MATN4: variants seen among roughly 807,000 people sequenced by gnomAD.
The protein encoded by MATN4 is matrilin 4, also known as matrilin-4.
In MATN4, 40 loss-of-function variants were observed where a neutral mutation model predicts 54.6. The ratio of observed to expected loss-of-function variants is 0.73; its 90% CI spans 0.57 to 0.95. MATN4 has a LOEUF of 0.95. MATN4 is among the 40% of genes least tolerant of loss of function. MATN4 has a pLI of 0.00. For missense variants in MATN4, 810 were observed against 819.1 expected, an observed-to-expected ratio of 0.99 and a Z score of 0.13; for synonymous variants, 351 against 345.3, an observed-to-expected ratio of 1.02 and a Z score of -0.18.
At position 45,305,545 on chromosome 20, in the gene MATN4, A is replaced by G. The variant is rs1393580726; in HGVS notation, c.38T>C (p.Leu13Pro). ...GLLCWPVLLL[L>P]LQPWETQLQL... ...GAGCTGGGTTTCCCAGGGCTGAAGA[A>G]GGAGCAGCAACACGGGCCAGCAAAG... is the stretch of plus-strand genomic sequence containing the variant. Residue 13 changes from leucine to proline, a missense_variant, in exon 2 of 10, where the codon CTT (leucine) becomes CCT (proline). Leu to Pro is a moderately conservative substitution (Grantham distance 98). Transcript: ENST00000372756. 2 of 1,559,306 alleles carry G rather than the reference A, an allele frequency of 1.3e-6. No homozygotes were observed. The highest frequency in any genetic ancestry group is 3.9e-5 in the Admixed American group (2 of 51,914).
intron 1 of MATN4, among the ~76,000 whole-genome samples, chr20:45,307,161 AG>A (rs1306202364): frequency 6.6e-6 from 1 of 151,988 alleles, no homozygotes; most frequent in Non-Finnish European, 1.5e-5. Context: ...ATTTCCTTCC[AG>A]CTCCTACCCC....
intron 6 of MATN4, among the ~76,000 whole-genome samples, chr20:45,299,759 T>C (rs1200156721): frequency 2.0e-5 from 3 of 151,210 alleles, no homozygotes; most frequent in Non-Finnish European, 4.4e-5. Context: ...ACACCTGTAG[T>C]CTCAGCTACT....
chr20:45,293,919 A>C lies in MATN4; in HGVS notation c.1676T>G (p.Leu559Arg). The C allele has an allele frequency of 6.2e-7, 1 of 1,602,132 alleles. No individual in the cohort carries two copies. Among genetic ancestry groups the C allele is most frequent in the Non-Finnish European group, 8.5e-7 (1 of 1,178,496 alleles). ...QGRTLGALESLTLNLAQLTAR... is the reference protein window; with the variant it reads ...QGRTLGALESRTLNLAQLTAR... Reference sequence around the variant, plus strand: ...GCCCCAAAGGATATGGTTCAGCGTCAGGCTCTCGAGCGCCCCCAGCGTGCG... The same window carrying C: ...GCCCCAAAGGATATGGTTCAGCGTCCGGCTCTCGAGCGCCCCCAGCGTGCG... Residue 559 changes from leucine (L) to arginine (R), a missense_variant, in exon 9 of 10, where the codon CTG (leucine) becomes CGG (arginine). Coordinates refer to ENST00000372756, the MANE Select transcript of MATN4 (RefSeq NM_001393530.1).
At chr20:45,307,400 T>G (rs796317849) in intron 1 of MATN4, among the ~76,000 whole-genome samples, 117 of 152,236 alleles carry the variant, frequency 7.7e-4, no homozygotes, top group African/African-American at 2.7e-3. Context: ...ACATAAATCC[T>G]CTGGCAGGGC....
intron 1 of MATN4, among the ~76,000 whole-genome samples, 189 bp from the exon 2 acceptor site, chr20:45,305,805 C>CATTTTTTTTTTTTTTTTTTTTTT (rs1986592795): frequency 1.5e-5 from 1 of 64,676 alleles, no homozygotes; most frequent in South Asian, 8.3e-4. Flanking sequence ...ACAAGAGATT[C>CATTTTTTTTTTTTTTTTTTTTTT]TTTTTTTTTT....
Position 45,298,284 on chromosome 20 carries a change from C to A in MATN4, c.1312G>T (p.Glu438Ter). Residue 438 changes from glutamate (E) to a stop codon, truncating the protein, a stop_gained, in exon 7 of 10, where the codon GAG becomes TAG. Coordinates refer to ENST00000372756, the MANE Select transcript of MATN4 (RefSeq NM_001393530.1). LOFTEE classifies it high-confidence loss of function. The surrounding 1 kb of genome is among the most constrained non-coding windows in gnomAD (Gnocchi z 4.6). ...GCACGGGGCCGTGCACCCTGCGCCTCGGAGAAGCTGTGCTCCACCATGTGC... is the reference window on the plus strand; with the variant it reads ...GCACGGGGCCGTGCACCCTGCGCCTAGGAGAAGCTGTGCTCCACCATGTGC... The part of the protein sequence containing the change: ...LRHMVEHSFS[E>*]AQGARPRALN... 1 of 1,613,510 alleles carries A rather than the reference C, an allele frequency of 6.2e-7. No homozygotes were observed. Among genetic ancestry groups the A allele is most frequent in the Non-Finnish European group, 8.5e-7 (1 of 1,179,912 alleles).
intron 3 of MATN4, chr20:45,303,527 A>T (rs1218779577): frequency 1.4e-6 from 1 of 703,396 alleles, no homozygotes; most frequent in East Asian, 2.7e-5. Flanking sequence ...GACACACAGG[A>T]CTAGAATCAG....
At chr20:45,304,188 T>C in intron 3 of MATN4, 40 bp downstream of exon 3, 2 of 1,425,340 alleles carry the variant, frequency 1.4e-6, no homozygotes, top group Non-Finnish European at 1.9e-6. Context: ...AGCATTTGGA[T>C]TGAGAGTTCG....
In MATN4 at chr20:45,304,551, A is replaced by G. The variant is rs1462690815; in HGVS notation, c.320T>C (p.Leu107Pro). The G allele has an allele frequency of 1.3e-6, 2 of 1,597,340 alleles. No individual in the cohort carries two copies. The highest frequency in any genetic ancestry group is 1.7e-5 in the Admixed American group (1 of 59,694). Reference sequence around the variant, plus strand: ...CAGTCCCGTCATGGTGCCTTGCGCCAGAGGCACCAGGTCGCGGATGGCGCG... The same window carrying G: ...CAGTCCCGTCATGGTGCCTTGCGCCGGAGGCACCAGGTCGCGGATGGCGCG... ...MERAIRDLVP[L>P]AQGTMTGLAI... Residue 107 changes from leucine (L) to proline (P), a missense_variant, in exon 3 of 10, where the codon CTG becomes CCG. Physicochemically the swap from Leu to Pro is moderately conservative, Grantham distance 98. Transcript: ENST00000372756.
In MATN4 at chr20:45,293,581, C is replaced by G; in HGVS notation, c.*186G>C. ...CTCACCACCCGCTATCCCCCTGACG[C>G]CGCAGTCCGCCTAATGGTCCGGGCG... On this transcript the variant is annotated 3_prime_UTR_variant, in exon 10 of 10. Coordinates refer to ENST00000372756, the MANE Select transcript of MATN4 (RefSeq NM_001393530.1). The G allele has an allele frequency of 1.8e-6, 1 of 556,878 alleles. No individual in the cohort carries two copies. The highest frequency in any genetic ancestry group is 3.1e-6 in the Non-Finnish European group (1 of 324,950). The allele number at this position is 556,878 out of a possible 1,614,324, so 34.5% of individuals were successfully genotyped here.
chr20:45,304,699 T>A lies in MATN4; in HGVS notation c.172A>T (p.Met58Leu), dbSNP rs111646973. The part of the protein sequence containing the change: ...FEFETMRQFL[M>L]GLLRGLNVGP... ...ACGTTCAGGCCTCGGAGGAGGCCCA[T>A]GAGGAACTGCCGCATGGTCTCGAAC... The change falls in exon 3 of 10, where the codon ATG (methionine) becomes TTG (leucine). Residue 58 changes from methionine (M) to leucine (L), a missense_variant. Coordinates refer to ENST00000372756, the MANE Select transcript of MATN4 (RefSeq NM_001393530.1). 16 of 1,612,600 alleles carry A rather than the reference T, an allele frequency of 9.9e-6. No homozygotes were observed. Among genetic ancestry groups the A allele is most frequent in the Non-Finnish European group, 1.4e-5 (16 of 1,179,302 alleles).
chr20:45,306,510 A>C (rs942470154), intron 1 of MATN4, among the ~76,000 whole-genome samples: 3 of 151,830 alleles, frequency 2.0e-5, no homozygotes, highest in Non-Finnish European at 2.9e-5. Context: ...CAACTCGCCA[A>C]CCCCCCCAGA....
chr20:45,297,775 A>C, intron 8 of MATN4, 143 bp downstream of exon 8: 5 of 1,027,540 alleles, frequency 4.9e-6, no homozygotes, highest in Non-Finnish European at 7.3e-6. Flanking sequence ...TGGCCTGCAG[A>C]CCACATTTGG....
intron 6 of MATN4, among the ~76,000 whole-genome samples, chr20:45,299,964 G>A (rs78618990): frequency 1.3e-5 from 1 of 78,024 alleles, no homozygotes; most frequent in Non-Finnish European, 2.8e-5. Flanking sequence ...GGTGTGTGTG[G>A]GTGTGTGTGT....
intron 1 of MATN4, among the ~76,000 whole-genome samples, chr20:45,306,371 G>A (rs1986672302): frequency 6.6e-6 from 1 of 152,166 alleles, no homozygotes; most frequent in Admixed American, 6.5e-5. Context: ...TCCCACGCCT[G>A]CTAGTTTCTG....
chr20:45,305,573 G>T lies in MATN4; in HGVS notation c.10C>A (p.Leu4Ile). 1.3e-6 allele frequency: 2 copies of T among 1,559,010 alleles called. No homozygotes were observed. Among genetic ancestry groups the T allele is most frequent in the Middle Eastern group, 3.3e-4 (2 of 6,006 alleles). The change falls in exon 2 of 10, where the codon CTT becomes ATT. Residue 4 changes from leucine (L) to isoleucine (I), a missense_variant. Transcript: ENST00000372756. MRG[L>I]LCWPVLLLLL... ...AGCAGCAACACGGGCCAGCAAAGAA[G>T]GCCTCTCATGGCGCTTGGGGACAGA...
rs1986019393 is a variant in MATN4, at chr20:45,298,530, C to T, written c.1066G>A (p.Val356Met). ...ACTAGCTCGAAGTTTTGTGGACGCACGCTCTTGGAGCCATCAACCAGCAGA... is the reference window on the plus strand; with the variant it reads ...ACTAGCTCGAAGTTTTGTGGACGCATGCTCTTGGAGCCATCAACCAGCAGA... ...LVLLVDGSKS[V>M]RPQNFELVKR... The change falls in exon 7 of 10, where the codon GTG (valine) becomes ATG (methionine). Residue 356 changes from valine to methionine, a missense_variant. Transcript: ENST00000372756. This position sits in a 1 kb window ranked among gnomAD's most constrained non-coding sequence, Gnocchi z 4.6. 3.7e-6 allele frequency: 6 copies of T among 1,607,348 alleles called. No homozygotes were observed. Among genetic ancestry groups the T allele is most frequent in the South Asian group, 3.3e-5 (3 of 90,006 alleles).
At position 45,293,819 on chromosome 20, in the gene MATN4, T is replaced by C. The variant is rs1985628034; in HGVS notation, c.1694A>G (p.Gln565Arg). Residue 565 changes from glutamine to arginine, a missense_variant, in exon 10 of 10, where the codon CAG (glutamine) becomes CGG (arginine). Physicochemically the swap from Gln to Arg is conservative, Grantham distance 43. Coordinates refer to ENST00000372756, the MANE Select transcript of MATN4 (RefSeq NM_001393530.1). ...ALESLTLNLA[Q>R]LTARLEDLEN... ...CAGATCCTCCAGGCGCGCCGTCAGC[T>C]GGGCCAGTGAGCGGTTAAGGAGGCC... The C allele has an allele frequency of 1.2e-6, 2 of 1,611,566 alleles. No homozygotes were observed. Among genetic ancestry groups the C allele is most frequent in the Non-Finnish European group, 1.7e-6 (2 of 1,179,938 alleles).
In MATN4 at chr20:45,304,532, C is replaced by T; in HGVS notation, c.339G>A (p.Thr113=). 5 of 1,594,848 alleles carry T rather than the reference C, an allele frequency of 3.1e-6. No individual in the cohort carries two copies. Among genetic ancestry groups the T allele is most frequent in the African/African-American group, 1.3e-5 (1 of 74,720 alleles). ...TCATGGCGTACTGGATTGCCAGTCC[C>T]GTCATGGTGCCTTGCGCCAGAGGCA... ...DLVPLAQGTM[T]GLAIQYAMNV... is the part of the protein sequence containing the mutation. The change falls in exon 3 of 10, where the codon ACG becomes ACA. Residue 113 remains threonine, a synonymous_variant. Coordinates refer to ENST00000372756, the MANE Select transcript of MATN4 (RefSeq NM_001393530.1).
Sources: gnomAD v4.1 joint callset for allele counts (sites outside exome capture counted in the v4.1 genomes callset) on GRCh38, gnomAD v4.1.1 for gene constraint, Gnocchi (gnomAD v3.1) non-coding constraint, MANE v1.5 for transcripts, NCBI Gene and HGNC (gene_info 2026-07-23, HGNC 2026-07-21) for gene names.